Variants in PARP8 observed in about 807,000 individuals in gnomAD.
PARP8 encodes the protein protein mono-ADP-ribosyltransferase PARP8.
A neutral mutation model predicts 124.1 loss-of-function variants in PARP8; 51 were observed. That is an observed-to-expected ratio of 0.41 (90% CI 0.33 to 0.52). PARP8 has a LOEUF of 0.52. Among genes scored for constraint, PARP8 ranks in the 20% least tolerant of loss-of-function variants. The pLI is 0.21. For missense variants in PARP8, 860 were observed against 1,018.9 expected (o/e 0.84, Z 2.12); for synonymous variants, 391 against 361.5 (o/e 1.08, Z -0.93).
chr5:50,776,537 T>C (rs1007760802), intron 7 of PARP8, among the ~76,000 whole-genome samples: 1 of 152,206 alleles, frequency 6.6e-6, no homozygotes, highest in Non-Finnish European at 1.5e-5. Context: ...TATCCCTTTA[T>C]GTAACATTTA....
chr5:50,830,535 T>C (rs745493500), intron 22 of PARP8, among the ~76,000 whole-genome samples: 1 of 152,212 alleles, frequency 6.6e-6, no homozygotes, highest in Non-Finnish European at 1.5e-5. Flanking sequence ...GCATTACTTA[T>C]CCTTGGTGGA....
chr5:50,672,471 C>T (rs1322125166), intron 2 of PARP8, among the ~76,000 whole-genome samples: 2 of 152,166 alleles, frequency 1.3e-5, no homozygotes, highest in Admixed American at 6.5e-5. Context: ...TCAGGGTCCC[C>T]AATCTGGTGA....
At position 50,667,396 on chromosome 5, in the gene PARP8, G is replaced by GC. The variant is rs780097303; in HGVS notation, c.91+212dup. Among the ~76,000 whole-genome samples, 5 of 152,264 alleles carry GC rather than the reference G, an allele frequency of 3.3e-5. No homozygotes were observed. The South Asian group carries it at 6.2e-4, about 19-fold the overall frequency. On this transcript the variant is annotated intron_variant, in intron 1 of 25. Transcript: ENST00000281631. Reference sequence around the variant, plus strand: ...CTCCCCCACCGCCAAGTCTGAGGCAGCCACCAGCTTTGAGGGCAGAGCCCG... The same window carrying GC: ...CTCCCCCACCGCCAAGTCTGAGGCAGCCCACCAGCTTTGAGGGCAGAGCCCG...
intron 2 of PARP8, among the ~76,000 whole-genome samples, chr5:50,710,879 C>T (rs1335882009): frequency 6.6e-6 from 1 of 152,154 alleles, no homozygotes; most frequent in African/African-American, 2.4e-5. Context: ...TATTACCTAG[C>T]CACAGTGTAT....
At position 50,677,751 on chromosome 5, in the gene PARP8, G is replaced by A. The variant is rs780548338; in HGVS notation, c.146+9626G>A. Among the ~76,000 whole-genome samples, 4 of 151,860 alleles carry A rather than the reference G, an allele frequency of 2.6e-5. No individual in the cohort carries two copies. The East Asian group carries it at 5.8e-4, about 22-fold the overall frequency. On this transcript the variant is annotated intron_variant, in intron 2 of 25. Transcript: ENST00000281631. ...ACAGAATCCTTTCCAGCTGTAAGTCGTCAGCAAGTAAAAAATTTAGTATGG... is the reference window on the plus strand; with the variant it reads ...ACAGAATCCTTTCCAGCTGTAAGTCATCAGCAAGTAAAAAATTTAGTATGG...
intron 14 of PARP8, 137 bp downstream of exon 14, chr5:50,797,370 T>C (rs149256834): frequency 0.016 from 9,534 of 613,852 alleles, 111 homozygotes; most frequent in Middle Eastern, 0.021. Context: ...CATATAATTT[T>C]GACAAAATAG....
chr5:50,791,092 GGCCCCTTGTTAT>G (rs1222178425), intron 10 of PARP8, among the ~76,000 whole-genome samples: 2 of 152,074 alleles, frequency 1.3e-5, no homozygotes, highest in African/African-American at 4.8e-5. Flanking sequence ...TTAGAATCTA[GGCCCCTTGTTAT>G]CAGTTGGTTT....
intron 18 of PARP8, 69 bp from the exon 19 acceptor site, chr5:50,826,686 C>A: frequency 6.7e-7 from 1 of 1,500,848 alleles, no homozygotes; most frequent in Middle Eastern, 2.0e-4. Flanking sequence ...TAATCGGTTG[C>A]CAACTAAGAA....
intron 2 of PARP8, among the ~76,000 whole-genome samples, chr5:50,674,366 A>G (rs754938988): frequency 6.6e-6 from 1 of 152,132 alleles, no homozygotes; most frequent in Non-Finnish European, 1.5e-5. Flanking sequence ...AGCTCTGCCA[A>G]CCTCTACTTT....
intron 2 of PARP8, among the ~76,000 whole-genome samples, chr5:50,748,443 G>A (rs1020272286): frequency 6.6e-6 from 1 of 152,086 alleles, no homozygotes; most frequent in Non-Finnish European, 1.5e-5. Flanking sequence ...TAAAAAAATA[G>A]TGTTTTATAT....
intron 2 of PARP8, among the ~76,000 whole-genome samples, chr5:50,677,316 A>G (rs1473341235): frequency 0.045 from 761 of 17,026 alleles, 4 homozygotes; most frequent in Non-Finnish European, 0.14. Flanking sequence ...ATATGCAGCA[A>G]AAAAAAAAAA....
intron 3 of PARP8, among the ~76,000 whole-genome samples, chr5:50,750,653 G>A (rs906258004): frequency 6.6e-6 from 1 of 151,952 alleles, no homozygotes; most frequent in Non-Finnish European, 1.5e-5. Flanking sequence ...TACTTGTTTA[G>A]CATTTAAGTA....
chr5:50,695,970 ATGCTCTTTAT>A (rs1561256234), intron 2 of PARP8, among the ~76,000 whole-genome samples: 1 of 152,198 alleles, frequency 6.6e-6, no homozygotes, highest in Non-Finnish European at 1.5e-5. Context: ...AAAGAAATAT[ATGCTCTTTAT>A]TGTTAGGAAT....
At chr5:50,705,069 A>G (rs542892623) in intron 2 of PARP8, among the ~76,000 whole-genome samples, 3 of 152,230 alleles carry the variant, frequency 2.0e-5, no homozygotes, top group Non-Finnish European at 1.5e-5. Flanking sequence ...CTTCATTGCC[A>G]TCCAGATTAT....
chr5:50,807,640 C>A (rs1165240813), intron 14 of PARP8, among the ~76,000 whole-genome samples: 2 of 152,092 alleles, frequency 1.3e-5, no homozygotes, highest in Non-Finnish European at 2.9e-5. Context: ...GTTATACTCA[C>A]CTTAATCACC....
rs529249250 is a variant in PARP8 at position 50,796,815 on chromosome 5, A to G, written c.1429-167A>G. 1.3e-3 allele frequency among the ~76,000 whole-genome samples: 201 copies of G among 152,296 alleles called. 1 individual carries two copies. Among genetic ancestry groups the G allele is most frequent in the African/African-American group, 4.8e-3 (199 of 41,570 alleles). On this transcript the variant is annotated intron_variant, in intron 12 of 25. Transcript: ENST00000281631. ...TAATGGTAGAAAGGGTATTTATAATAGAGTGAATAAAAAAGTTTTTAATTT... is the reference window on the plus strand; with the variant it reads ...TAATGGTAGAAAGGGTATTTATAATGGAGTGAATAAAAAAGTTTTTAATTT...
At position 50,797,067 on chromosome 5, in the gene PARP8, T is replaced by G. The variant is rs1252314621; in HGVS notation, c.1479+35T>G. The G allele has an allele frequency of 5.0e-6, 8 of 1,611,418 alleles. No homozygotes were observed. The Admixed American group carries it at 1.2e-4, about 24-fold the overall frequency. On this transcript the variant is annotated intron_variant, in intron 13 of 25. Transcript: ENST00000281631. The stretch of plus-strand genomic sequence containing the variant: ...AAAACTCTATCCATTGTACAAATAT[T>G]TTAGTTCTTACGGGGTTTTTAAATC...
At position 50,826,780 on chromosome 5, in the gene PARP8, A is replaced by G; in HGVS notation, c.1954A>G (p.Ile652Val). The G allele has an allele frequency of 6.3e-7, 1 of 1,588,668 alleles. No individual in the cohort carries two copies. Among genetic ancestry groups the G allele is most frequent in the Non-Finnish European group, 8.5e-7 (1 of 1,171,684 alleles). Residue 652 changes from isoleucine to valine, a missense_variant, in exon 19 of 26, where the codon ATT becomes GTT. Physicochemically the swap from Ile to Val is conservative, Grantham distance 29. Around this residue, in one of 2 missense-constraint regions of PARP8, gnomAD observed 343 missense variants for 474.7 expected, o/e 0.72. Transcript: ENST00000281631. ...QWVISSNRSH[I>V]VKLPVNRQLK... is the part of the protein sequence containing the mutation. Reference sequence around the variant, plus strand: ...GGTTATATCAAGTAATAGATCACATATTGTGAAACTGCCAGTTAACAGGGT... The same window carrying G: ...GGTTATATCAAGTAATAGATCACATGTTGTGAAACTGCCAGTTAACAGGGT...
At chr5:50,737,929 A>T (rs924421138) in intron 2 of PARP8, among the ~76,000 whole-genome samples, 3 of 152,220 alleles carry the variant, frequency 2.0e-5, no homozygotes, top group African/African-American at 7.2e-5. Flanking sequence ...ATTTAAGCAC[A>T]GTGCCCTTAT....
Sources: gnomAD v4.1 joint callset for allele counts (sites outside exome capture counted in the v4.1 genomes callset) on GRCh38, gnomAD v4.1.1 for gene constraint, gnomAD v4.1.1 regional missense constraint, MANE v1.5 for transcripts, NCBI Gene and HGNC (gene_info 2026-07-23, HGNC 2026-07-21) for gene names.